The following TESK2 variants were observed in gnomAD, a reference collection of about 807,000 sequenced individuals.
TESK2 encodes the protein dual specificity testis-specific protein kinase 2.
In TESK2, 39 loss-of-function variants were observed where a neutral mutation model predicts 57.1. The ratio of observed to expected loss-of-function variants is 0.68; its 90% CI spans 0.53 to 0.89. The LOEUF is 0.89. Among genes scored for constraint, TESK2 ranks in the 40% least tolerant of loss-of-function variants. The probability of loss-of-function intolerance (pLI) is 0.00; values close to 1 mark genes in which losing one functional copy is unlikely to be tolerated. For synonymous variants in TESK2, 249 were observed against 267.9 expected, an observed-to-expected ratio of 0.93 and a Z score of 0.69; for missense variants, 646 against 732.1, an observed-to-expected ratio of 0.88 and a Z score of 1.36.
chr1:45,403,455 C>A (rs761523067), intron 3 of TESK2, among the ~76,000 whole-genome samples: 6 of 152,148 alleles, frequency 3.9e-5, no homozygotes, highest in Admixed American at 6.5e-5. Context: ...GAAAACTCAG[C>A]TGAACAGACA....
intron 1 of TESK2, among the ~76,000 whole-genome samples, chr1:45,466,057 T>C (rs929873362): frequency 3.9e-5 from 6 of 152,240 alleles, no homozygotes; most frequent in Admixed American, 1.3e-4. Context: ...AAATAATATA[T>C]ACTAATCGGG....
intron 3 of TESK2, among the ~76,000 whole-genome samples, chr1:45,411,509 A>G (rs1650040051): frequency 6.6e-6 from 1 of 152,176 alleles, no homozygotes; most frequent in Non-Finnish European, 1.5e-5. Context: ...GAGCTCAGGC[A>G]GCAATGCTTG....
chr1:45,457,758 C>G lies in TESK2; in HGVS notation c.28G>C (p.Ala10Pro). 4 of 1,614,134 alleles carry G rather than the reference C, an allele frequency of 2.5e-6. No homozygotes were observed. The highest frequency in any genetic ancestry group is 3.4e-6 in the Non-Finnish European group (4 of 1,180,000). Residue 10 changes from alanine (A) to proline (P), a missense_variant, in exon 2 of 11, where the codon GCA (alanine) becomes CCA (proline). By Grantham distance (27) the Ala-to-Pro change is conservative. Coordinates refer to ENST00000372086, the MANE Select transcript of TESK2 (RefSeq NM_007170.3). ...CGCTCCACACGTGGAGGAAATCCTG[C>G]AATTGAATTCCGTTTGCTCCGATCC... is the stretch of plus-strand genomic sequence containing the variant. Reference protein sequence around the residue: MDRSKRNSIAGFPPRVERLE... With the variant: MDRSKRNSIPGFPPRVERLE...
chr1:45,367,090 C>T (rs1310611895), intron 4 of TESK2, among the ~76,000 whole-genome samples: 1 of 152,010 alleles, frequency 6.6e-6, no homozygotes, highest in African/African-American at 2.4e-5. Context: ...GCCAACATTG[C>T]AACACTGCAC....
chr1:45,485,729 C>T (rs1429432396), intron 1 of TESK2, among the ~76,000 whole-genome samples: 1 of 149,856 alleles, frequency 6.7e-6, no homozygotes, highest in Non-Finnish European at 1.5e-5. Context: ...CCATCTTGGC[C>T]AGGCTGGTCT....
At chr1:45,432,508 G>A (rs368384169) in intron 2 of TESK2, among the ~76,000 whole-genome samples, 6 of 151,136 alleles carry the variant, frequency 4.0e-5, no homozygotes, top group Admixed American at 2.6e-4. Flanking sequence ...TGGCTAACAC[G>A]GTGAAACCCC....
intron 4 of TESK2, chr1:45,385,327 C>G (rs1474427948): frequency 2.0e-6 from 2 of 985,134 alleles, no homozygotes; most frequent in South Asian, 9.4e-5. Context: ...CTCTGATCCT[C>G]GGAGGATGAA....
intron 3 of TESK2, among the ~76,000 whole-genome samples, chr1:45,392,441 G>A (rs1385002002): frequency 6.6e-6 from 1 of 150,920 alleles, no homozygotes; most frequent in Non-Finnish European, 1.5e-5. Flanking sequence ...GGTGGCTCAC[G>A]CCTGTAATCC....
intron 1 of TESK2, among the ~76,000 whole-genome samples, chr1:45,470,821 A>C (rs1470664109): frequency 6.6e-6 from 1 of 152,212 alleles, no homozygotes; most frequent in African/African-American, 2.4e-5. Context: ...ATGCTTTTCC[A>C]AGTGCTTTAC....
chr1:45,416,623 GAA>G (rs958703186), intron 3 of TESK2, among the ~76,000 whole-genome samples: 63 of 151,808 alleles, frequency 4.1e-4, no homozygotes, highest in African/African-American at 1.5e-3. Context: ...TCTGTTTTTG[GAA>G]ATATACATTA....
chr1:45,485,178 GTTTTGTT>G (rs974875296), intron 1 of TESK2, among the ~76,000 whole-genome samples: 13 of 149,756 alleles, frequency 8.7e-5, no homozygotes, highest in African/African-American at 3.2e-4. Context: ...ATTTTTCACT[GTTTTGTT>G]TTTTGTTTTT....
At chr1:45,396,143 G>C (rs1475889048) in intron 3 of TESK2, among the ~76,000 whole-genome samples, 1 of 151,280 alleles carries the variant, frequency 6.6e-6, no homozygotes, top group East Asian at 2.0e-4. Flanking sequence ...ACTGGGTCTT[G>C]CTCTGTCACC....
chr1:45,428,028 T>C (rs956079460), intron 2 of TESK2, among the ~76,000 whole-genome samples: 5 of 152,160 alleles, frequency 3.3e-5, no homozygotes, highest in African/African-American at 9.7e-5. Flanking sequence ...ATAAATATTA[T>C]CTACTATGTA....
At chr1:45,381,683 A>G (rs1430938075) in intron 4 of TESK2, among the ~76,000 whole-genome samples, 2 of 152,006 alleles carry the variant, frequency 1.3e-5, no homozygotes, top group Non-Finnish European at 2.9e-5. Context: ...TGAGAAATAA[A>G]CGTTTATTGT....
At chr1:45,441,684 T>C (rs985775916) in intron 2 of TESK2, among the ~76,000 whole-genome samples, 29 of 149,048 alleles carry the variant, frequency 1.9e-4, no homozygotes, top group African/African-American at 7.2e-4. Flanking sequence ...AGTGGTGCGA[T>C]CTCAGCTCAT....
chr1:45,420,564 AT>A (rs200053502), intron 3 of TESK2, among the ~76,000 whole-genome samples: 1,925 of 125,730 alleles, frequency 0.015, 54 homozygotes, highest in East Asian at 0.094. Context: ...GCCAAATAAA[AT>A]TTTTTTTTTT....
chr1:45,429,767 A>G (rs1223568186), intron 2 of TESK2, among the ~76,000 whole-genome samples: 1 of 152,208 alleles, frequency 6.6e-6, no homozygotes, highest in Non-Finnish European at 1.5e-5. Context: ...TCAATCTTCA[A>G]TTGGCATAAC....
chr1:45,434,959 C>CTTTTTTTTTT (rs60515365), intron 2 of TESK2, among the ~76,000 whole-genome samples: 31 of 140,404 alleles, frequency 2.2e-4, no homozygotes, highest in Non-Finnish European at 2.5e-4. Context: ...ACTTTTCTTT[C>CTTTTTTTTTT]TTTTTTTTTT....
At position 45,470,660 on chromosome 1, in the gene TESK2, T is replaced by G. The variant is rs146619299; in HGVS notation, c.-86-12789A>C. 1.8e-3 allele frequency among the ~76,000 whole-genome samples: 275 copies of G among 152,284 alleles called. 1 individual carries two copies. Among genetic ancestry groups the G allele is most frequent in the African/African-American group, 6.1e-3 (254 of 41,566 alleles). On this transcript the variant is annotated intron_variant, in intron 1 of 10. Coordinates refer to ENST00000372086, the MANE Select transcript of TESK2 (RefSeq NM_007170.3). ...TAAAACAGAAACTTAGGGTGAAAGT[T>G]ATAAAGGCAGTTAGAGATGAACTAG...
Sources: gnomAD v4.1 joint callset for allele counts (sites outside exome capture counted in the v4.1 genomes callset) on GRCh38, gnomAD v4.1.1 for gene constraint, MANE v1.5 for transcripts, NCBI Gene and HGNC (gene_info 2026-07-23, HGNC 2026-07-21) for gene names.